GGACT: variants seen among roughly 807,000 people sequenced by gnomAD.
GGACT encodes gamma-glutamylaminecyclotransferase.
For missense variants in GGACT, 241 were observed against 233.2 expected, an observed-to-expected ratio of 1.03 and a Z score of -0.22; for synonymous variants, 118 against 115.3, an observed-to-expected ratio of 1.02 and a Z score of -0.15.
intron 2 of GGACT, chr13:100,533,600 C>G (rs2088448770): frequency 6.6e-6 from 1 of 152,274 alleles, no homozygotes; most frequent in Non-Finnish European, 1.5e-5. Flanking sequence ...GGTTTCAGCA[C>G]TGAGTTCCAC....
intron 2 of GGACT, among the ~76,000 whole-genome samples, chr13:100,558,145 G>A (rs553197530): frequency 1.6e-4 from 24 of 147,526 alleles, no homozygotes; most frequent in Admixed American, 1.1e-3. Context: ...GTGCCACTGC[G>A]CTCCAGCCTG....
chr13:100,538,346 T>C (rs2088518022), intron 2 of GGACT: 2 of 152,256 alleles, frequency 1.3e-5, no homozygotes, highest in African/African-American at 2.4e-5. Flanking sequence ...CACTTCCCTA[T>C]GCTTTTTGTT....
chr13:100,572,994 T>G (rs184860498), intron 2 of GGACT, among the ~76,000 whole-genome samples: 1 of 152,150 alleles, frequency 6.6e-6, no homozygotes, highest in African/African-American at 2.4e-5. Context: ...TGGAGAAGCA[T>G]AGGGTATTAA....
chr13:100,551,467 T>A (rs564429540), intron 2 of GGACT, among the ~76,000 whole-genome samples: 4 of 152,230 alleles, frequency 2.6e-5, no homozygotes, highest in African/African-American at 9.6e-5. Context: ...ATTAACAGAC[T>A]TCCCCTCGGC....
chr13:100,533,384 C>T (rs1189332666), intron 2 of GGACT: 1 of 152,268 alleles, frequency 6.6e-6, no homozygotes, highest in Non-Finnish European at 1.5e-5. Context: ...AAAAGGCGCT[C>T]CTTGTATTAG....
intron 2 of GGACT, among the ~76,000 whole-genome samples, chr13:100,581,048 G>T (rs1028086633): frequency 3.9e-5 from 6 of 152,224 alleles, no homozygotes; most frequent in Non-Finnish European, 7.3e-5. Flanking sequence ...GTGATCCACG[G>T]GGTAAAGGAT....
At chr13:100,577,276 C>T (rs183172691) in intron 2 of GGACT, among the ~76,000 whole-genome samples, 157 of 151,942 alleles carry the variant, frequency 1.0e-3, no homozygotes, top group African/African-American at 3.5e-3. Flanking sequence ...ATTAGCCAGG[C>T]GTGGTGGTGG....
chr13:100,552,520 CT>C (rs1414582822), intron 2 of GGACT, among the ~76,000 whole-genome samples: 9 of 152,300 alleles, frequency 5.9e-5, no homozygotes, highest in Admixed American at 5.2e-4. Context: ...AGACGGTGAC[CT>C]GTCGTGAGCC....
chr13:100,570,738 T>C (rs1012374672), intron 2 of GGACT, among the ~76,000 whole-genome samples: 15 of 152,282 alleles, frequency 9.9e-5, no homozygotes, highest in Middle Eastern at 3.4e-3. Flanking sequence ...ATTAAACCTC[T>C]TTCCTTTATA....
chr13:100,572,216 T>C (rs1357107784), intron 2 of GGACT, among the ~76,000 whole-genome samples: 1 of 152,138 alleles, frequency 6.6e-6, no homozygotes, highest in Non-Finnish European at 1.5e-5. Flanking sequence ...TTGAAAAGAC[T>C]GAAAGGAAGG....
At chr13:100,583,433 T>C (rs1195937824) in intron 2 of GGACT, among the ~76,000 whole-genome samples, 1 of 152,240 alleles carries the variant, frequency 6.6e-6, no homozygotes, top group East Asian at 1.9e-4. Flanking sequence ...AATGTATAAA[T>C]AATTCTTATA....
chr13:100,530,367 G>T lies in GGACT; in HGVS notation c.*1763C>A, dbSNP rs1488541356. 1 of 625,228 alleles carries T rather than the reference G, an allele frequency of 1.6e-6. No homozygotes were observed. Among genetic ancestry groups the T allele is most frequent in the Non-Finnish European group, 2.9e-6 (1 of 347,548 alleles). The allele number at this position is 625,228 out of a possible 1,614,324, so 38.7% of individuals were successfully genotyped here. On this transcript the variant is annotated 3_prime_UTR_variant, in exon 3 of 3. Coordinates refer to ENST00000683975, the MANE Select transcript of GGACT (RefSeq NM_001195087.2). ...CATTGATATAAATACTTGTACATAT[G>T]ATTTGTACTTCTGCTGTGAGATTCC...
At chr13:100,547,304 G>A (rs1197887284) in intron 2 of GGACT, among the ~76,000 whole-genome samples, 1 of 152,228 alleles carries the variant, frequency 6.6e-6, no homozygotes, top group Admixed American at 6.5e-5. Flanking sequence ...CCAGACCAGA[G>A]GGGGTGGGGT....
chr13:100,575,672 G>A (rs1429534167), intron 2 of GGACT, among the ~76,000 whole-genome samples: 1 of 152,184 alleles, frequency 6.6e-6, no homozygotes, highest in Non-Finnish European at 1.5e-5. Flanking sequence ...GCTGAGGCAG[G>A]AGGATCACTT....
At position 100,545,562 on chromosome 13, in the gene GGACT, T is replaced by C. The variant is rs142267313; in HGVS notation, c.-10-12961A>G. Among the ~76,000 whole-genome samples, 248 of 152,358 alleles carry C rather than the reference T, an allele frequency of 1.6e-3. 1 individual carries two copies. The highest frequency in any genetic ancestry group is 5.6e-3 in the African/African-American group (231 of 41,592). On this transcript the variant is annotated intron_variant, in intron 2 of 2. Transcript: ENST00000683975. The surrounding 1 kb of genome is among the most constrained non-coding windows in gnomAD (Gnocchi z 4.4). ...GAATCTAGAAGGTGCCCTCAGGGTT[T>C]ATTAAGCACACCCTGGGCTGCCTGC...
intron 1 of GGACT, among the ~76,000 whole-genome samples, chr13:100,584,940 T>C (rs571688476): frequency 1.0e-3 from 152 of 152,340 alleles, no homozygotes; most frequent in Non-Finnish European, 1.9e-3. Context: ...TTGAGCTTCT[T>C]TGATTCTTTG....
intron 2 of GGACT, among the ~76,000 whole-genome samples, chr13:100,550,983 T>C (rs1164966858): frequency 3.3e-5 from 5 of 152,176 alleles, no homozygotes; most frequent in African/African-American, 1.2e-4. Flanking sequence ...AAAACTACTT[T>C]CTTAATTAAA....
chr13:100,544,457 C>T (rs2088586299), intron 2 of GGACT, among the ~76,000 whole-genome samples: 1 of 152,246 alleles, frequency 6.6e-6, no homozygotes, highest in Non-Finnish European at 1.5e-5. Context: ...GGGCTTCCTG[C>T]TAAGGCAGAC....
intron 2 of GGACT, among the ~76,000 whole-genome samples, chr13:100,568,781 A>G (rs1874989125): frequency 6.6e-6 from 1 of 152,240 alleles, no homozygotes; most frequent in African/African-American, 2.4e-5. Context: ...TCTGCCCATG[A>G]GCCCACAAAA....
Sources: gnomAD v4.1 joint callset for allele counts (sites outside exome capture counted in the v4.1 genomes callset) on GRCh38, gnomAD v4.1.1 for gene constraint, Gnocchi (gnomAD v3.1) non-coding constraint, MANE v1.5 for transcripts, NCBI Gene and HGNC (gene_info 2026-07-23, HGNC 2026-07-21) for gene names.